CDC25B: variants seen among roughly 807,000 people sequenced by gnomAD.
CDC25B encodes the protein cell division cycle 25B.
A neutral mutation model predicts 69.8 loss-of-function variants in CDC25B; 33 were observed. The observed-to-expected ratio is 0.47, with a 90% CI of 0.36 to 0.63. CDC25B has a LOEUF of 0.63. Ranked by LOEUF, CDC25B falls within the 30% of genes least tolerant of loss-of-function variation. CDC25B has a pLI of 0.00. For missense variants in CDC25B, 727 were observed against 809.1 expected (o/e 0.90, Z 1.23); for synonymous variants, 341 against 314.6 (o/e 1.08, Z -0.89).
intron 2 of CDC25B, 108 bp downstream of exon 2, chr20:3,797,857 C>A: frequency 7.4e-7 from 1 of 1,358,544 alleles, no homozygotes; most frequent in Non-Finnish European, 1.0e-6. Context: ...CTCCCCACAA[C>A]CTGGTGGGCC....
chr20:3,795,043 G>A (rs1294181554), upstream of CDC25B, among the ~76,000 whole-genome samples: 1 of 152,184 alleles, frequency 6.6e-6, no homozygotes, highest in East Asian at 1.9e-4. Context: ...CCTGGAAAAC[G>A]AGCGGGGCTG....
chr20:3,787,134 G>A (rs754858604), exon 1 of CDC25B: 1 of 665,904 alleles, frequency 1.5e-6, no homozygotes, highest in South Asian at 1.7e-5. Context: ...CTGGAGAGAT[G>A]CACAGGTAAC....
At chr20:3,802,419 T>A in intron 11 of CDC25B, 43 bp downstream of exon 11, 1 of 1,412,112 alleles carries the variant, frequency 7.1e-7, no homozygotes, top group Non-Finnish European at 9.9e-7. Context: ...GCTTGACCTC[T>A]TACTGACTAG....
In CDC25B at chr20:3,803,569, T is replaced by A. The variant is rs2089367928; in HGVS notation, c.1490+32T>A. Reference sequence around the variant, plus strand: ...CCCAGCTCCGCCCAGCCAGCTAGTGTCTGCCCTGGCCTTCCCTGCCCAGGC... The same window carrying A: ...CCCAGCTCCGCCCAGCCAGCTAGTGACTGCCCTGGCCTTCCCTGCCCAGGC... On this transcript the variant is annotated intron_variant, in intron 14 of 15. Coordinates refer to ENST00000245960, the MANE Select transcript of CDC25B (RefSeq NM_021873.4). The surrounding 1 kb of genome is among the most constrained non-coding windows in gnomAD (Gnocchi z 4.9). 1 of 1,613,002 alleles carries A rather than the reference T, an allele frequency of 6.2e-7. No individual in the cohort carries two copies. The highest frequency in any genetic ancestry group is 1.1e-5 in the South Asian group (1 of 91,090).
rs754545392 is a variant in CDC25B, at chr20:3,798,444, C to A, written c.361C>A (p.Pro121Thr). ...LCMDSPSPMD[P>T]HMAEQTFEQA... is the part of the protein sequence containing the mutation. Reference sequence around the variant, plus strand: ...CATGGATTCCCCCAGCCCTATGGACCCCCACATGGCGGAGCAGACGTGAGT... The same window carrying A: ...CATGGATTCCCCCAGCCCTATGGACACCCACATGGCGGAGCAGACGTGAGT... The change falls in exon 3 of 16, where the codon CCC becomes ACC. Residue 121 changes from proline to threonine, a missense_variant. Pro to Thr is a conservative substitution (Grantham distance 38). Transcript: ENST00000245960. 2 of 1,598,406 alleles carry A rather than the reference C, an allele frequency of 1.3e-6. No individual in the cohort carries two copies. The highest frequency in any genetic ancestry group is 1.7e-6 in the Non-Finnish European group (2 of 1,172,050).
At chr20:3,798,538 C>G in intron 3 of CDC25B, 75 bp downstream of exon 3, 1 of 1,234,254 alleles carries the variant, frequency 8.1e-7, no homozygotes, top group Non-Finnish European at 1.1e-6. Flanking sequence ...ACCATAAATT[C>G]ACCCGGGAGG....
In CDC25B at chr20:3,796,549, G is replaced by A; in HGVS notation, c.18G>A (p.Pro6=). The A allele has an allele frequency of 6.8e-7, 1 of 1,480,650 alleles. No homozygotes were observed. Among genetic ancestry groups the A allele is most frequent in the African/African-American group, 1.5e-5 (1 of 67,970 alleles). The allele number at this position is 1,480,650 out of a possible 1,614,324, so 91.7% of individuals were successfully genotyped here. The change falls in exon 1 of 16, where the codon CCG becomes CCA. Residue 6 remains proline (P), a synonymous_variant. Coordinates refer to ENST00000245960, the MANE Select transcript of CDC25B (RefSeq NM_021873.4). Reference sequence around the variant, plus strand: ...CCGCCGCGATGGAGGTGCCCCAGCCGGAGCCCGCGCCAGGCTCGGCTCTCA... The same window carrying A: ...CCGCCGCGATGGAGGTGCCCCAGCCAGAGCCCGCGCCAGGCTCGGCTCTCA... MEVPQ[P]EPAPGSALSP... is the part of the protein sequence containing the mutation.
intron 5 of CDC25B, 60 bp from the exon 6 acceptor site, chr20:3,800,683 G>A: frequency 6.2e-7 from 1 of 1,600,158 alleles, no homozygotes. Flanking sequence ...TAGGGCCTGG[G>A]CTCGTGCCGG....
Position 3,796,746 on chromosome 20 carries a change from G to A in CDC25B, c.200+15G>A, listed in dbSNP as rs1327088183. The A allele has an allele frequency of 3.9e-6, 6 of 1,556,024 alleles. No individual in the cohort carries two copies. In the Admixed American group the frequency reaches 1.1e-4, roughly 29 times the overall value. On this transcript the variant is annotated intron_variant, in intron 1 of 15. Transcript: ENST00000245960. ...GGGCTCGGCAGGTAGGACACCCCAA[G>A]GAGGCTGCATATGGGGGTGAGAGGC... is the stretch of plus-strand genomic sequence containing the variant.
At chr20:3,796,081 T>C, upstream of CDC25B, 1 of 1,007,074 alleles carries the variant, frequency 9.9e-7, no homozygotes, top group Non-Finnish European at 1.2e-6. Context: ...GAGAGGCGGA[T>C]TTTGGGAGGC....
rs1555773203 is a variant in CDC25B at position 3,796,430 on chromosome 20, C to CA, written c.-101dup. ...CTCCCTCCCTCCTTCCCCCCCCCCC[C>CA]ACCCCTCGCCCGCTGCCTCCCTCGG... On this transcript the variant is annotated 5_prime_UTR_variant, in exon 1 of 16. Transcript: ENST00000245960. The CA allele has an allele frequency of 1.8e-4, 65 of 354,980 alleles. No homozygotes were observed. Among genetic ancestry groups the CA allele is most frequent in the Non-Finnish European group, 2.4e-4 (58 of 246,648 alleles). 22.0% of individuals were successfully genotyped at this position (354,980 alleles called of 1,614,324 possible). A position where few individuals can be genotyped will look rare whatever the true frequency, so the allele number is the denominator to read the frequency against.
rs371951429 is a variant in CDC25B at position 3,804,970 on chromosome 20, C to T, written c.*9C>T. ...GGCTGCAGGACCAGTGAGGGGCCTG[C>T]GCCAGTCCTGCTACCTCCCTTGCCT... On this transcript the variant is annotated 3_prime_UTR_variant, in exon 16 of 16. Coordinates refer to ENST00000245960, the MANE Select transcript of CDC25B (RefSeq NM_021873.4). 39 of 1,609,646 alleles carry T rather than the reference C, an allele frequency of 2.4e-5. No individual in the cohort carries two copies. The highest frequency in any genetic ancestry group is 1.7e-4 in the African/African-American group (13 of 74,902).
At chr20:3,791,842 T>C (rs2088919497), upstream of CDC25B, among the ~76,000 whole-genome samples, 1 of 152,188 alleles carries the variant, frequency 6.6e-6, no homozygotes, top group South Asian at 2.1e-4. Flanking sequence ...TAAATATATA[T>C]TGTTATGGTA....
chr20:3,796,672 C>G lies in CDC25B; in HGVS notation c.141C>G (p.Ala47=). The G allele has an allele frequency of 6.6e-7, 1 of 1,517,472 alleles. No individual in the cohort carries two copies. The highest frequency in any genetic ancestry group is 8.7e-7 in the Non-Finnish European group (1 of 1,142,910). The allele number at this position is 1,517,472 out of a possible 1,614,324, so 94.0% of individuals were successfully genotyped here. A position where few individuals can be genotyped will look rare whatever the true frequency, so the allele number is the denominator to read the frequency against. ...TCCTGGGGTCCCCGGTGCGGGCGGC[C>G]GCTTCCTCGCCGGTCACCACCCTCA... ...HGLLGSPVRA[A]ASSPVTTLTQ... The change falls in exon 1 of 16, where the codon GCC becomes GCG. Residue 47 remains alanine (A), a synonymous_variant. Transcript: ENST00000245960.
chr20:3,796,849 T>C, intron 1 of CDC25B, 118 bp downstream of exon 1: 1 of 1,326,518 alleles, frequency 7.5e-7, no homozygotes, highest in Non-Finnish European at 1.0e-6. Context: ...GGAGGCATCC[T>C]GAGCAGTGGA....
chr20:3,799,390 G>C (rs1465230489), intron 3 of CDC25B, among the ~76,000 whole-genome samples: 1 of 152,202 alleles, frequency 6.6e-6, no homozygotes, highest in Non-Finnish European at 1.5e-5. Context: ...GCTGGGCACA[G>C]CAGCCCCCCG....
chr20:3,794,811 C>A (rs1320581477), upstream of CDC25B, among the ~76,000 whole-genome samples: 2 of 152,156 alleles, frequency 1.3e-5, no homozygotes, highest in Non-Finnish European at 2.9e-5. Context: ...AGCCCCCCAT[C>A]ACCAGGCCCT....
At chr20:3,801,506 C>G in intron 8 of CDC25B, 118 bp downstream of exon 8, 1 of 1,284,504 alleles carries the variant, frequency 7.8e-7, no homozygotes, top group East Asian at 2.4e-5. Flanking sequence ...GAAGAAGAAT[C>G]TGAGGTAACT....
upstream of CDC25B, chr20:3,795,818 C>G (rs2089015221): frequency 1.0e-6 from 1 of 984,616 alleles, no homozygotes; most frequent in Non-Finnish European, 1.2e-6. Flanking sequence ...GAATCCTGGC[C>G]CACCGCCTGC....
Sources: gnomAD v4.1 joint callset for allele counts (sites outside exome capture counted in the v4.1 genomes callset) on GRCh38, gnomAD v4.1.1 for gene constraint, Gnocchi (gnomAD v3.1) non-coding constraint, MANE v1.5 for transcripts, NCBI Gene and HGNC (gene_info 2026-07-23, HGNC 2026-07-21) for gene names.